Variants in ADAMTSL1 observed in about 807,000 individuals in gnomAD.
The protein encoded by ADAMTSL1 is ADAMTS-like protein 1.
Under a neutral mutation model 201.8 loss-of-function variants are expected in ADAMTSL1, and 126 were observed. That is an observed-to-expected ratio of 0.62 (90% CI 0.54 to 0.72). ADAMTSL1 has a LOEUF of 0.72. Among genes scored for constraint, ADAMTSL1 ranks in the 30% least tolerant of loss-of-function variants. The pLI is 0.00. For missense variants in ADAMTSL1, 2,679 were observed against 2,277.8 expected, an observed-to-expected ratio of 1.18 and a Z score of -3.59; for synonymous variants, 1,121 against 903.4, an observed-to-expected ratio of 1.24 and a Z score of -4.32.
Position 18,346,300 on chromosome 9 carries a change from G to A in ADAMTSL1, c.208-158529G>A, listed in dbSNP as rs74811513. Among the ~76,000 whole-genome samples the A allele has an allele frequency of 6.6e-3, 967 of 146,324 alleles. 16 individuals are homozygous for A. Among genetic ancestry groups the A allele is most frequent in the Middle Eastern group, 6.8e-3 (2 of 292 alleles). ...AGCCAGCCTCTTGGGCATCCAGCTA[G>A]TTCAGCGTCACTATTATCAGTCTTA... On this transcript the variant is annotated intron_variant, in intron 2 of 29. Transcript: ENST00000680146.
intron 2 of ADAMTSL1, among the ~76,000 whole-genome samples, chr9:18,220,849 A>G (rs996179234): frequency 1.3e-5 from 2 of 151,654 alleles, no homozygotes; most frequent in Admixed American, 1.3e-4. Flanking sequence ...ATCTAGGCTC[A>G]CTGCAACCTC....
intron 2 of ADAMTSL1, among the ~76,000 whole-genome samples, chr9:18,208,146 A>C (rs1353590324): frequency 6.6e-6 from 1 of 152,158 alleles, no homozygotes; most frequent in Non-Finnish European, 1.5e-5. Context: ...AGTATCTTAC[A>C]TCTAGTAGGT....
intron 26 of ADAMTSL1, among the ~76,000 whole-genome samples, chr9:18,899,545 CTA>C: frequency 6.6e-6 from 1 of 152,290 alleles, no homozygotes; most frequent in East Asian, 1.9e-4. Flanking sequence ...TGACTGCAAA[CTA>C]TACTACAGTA....
intron 1 of ADAMTSL1, among the ~76,000 whole-genome samples, chr9:18,125,685 T>A (rs961666413): frequency 6.6e-6 from 1 of 152,212 alleles, no homozygotes; most frequent in African/African-American, 2.4e-5. Flanking sequence ...AAACTATTCT[T>A]TCCCCACATT....
intron 17 of ADAMTSL1, among the ~76,000 whole-genome samples, chr9:18,771,110 C>A (rs1212491165): frequency 6.6e-6 from 1 of 152,124 alleles, no homozygotes; most frequent in Non-Finnish European, 1.5e-5. Flanking sequence ...CTCCACACCA[C>A]CCCCTCCTCC....
Position 18,770,594 on chromosome 9 carries a change from T to C in ADAMTSL1, c.2218-8T>C. The C allele has an allele frequency of 6.2e-7, 1 of 1,604,408 alleles. No homozygotes were observed. The highest frequency in any genetic ancestry group is 1.3e-5 in the African/African-American group (1 of 74,784). ...TACTTTTTCTTCTTTCCTTCTTTCT[T>C]TCCCCAGTGTTCCAGAACGTGTGGC... On this transcript the variant is annotated splice_region_variant and splice_polypyrimidine_tract_variant and intron_variant, in intron 16 of 28. Transcript: ENST00000380548.
intron 2 of ADAMTSL1, among the ~76,000 whole-genome samples, chr9:18,250,969 G>A (rs150731526): frequency 6.6e-6 from 1 of 152,180 alleles, no homozygotes; most frequent in African/African-American, 2.4e-5. Flanking sequence ...ATCCTGATGG[G>A]GAGCCCATGT....
chr9:18,879,796 G>A (rs1011685091), intron 23 of ADAMTSL1, among the ~76,000 whole-genome samples: 2 of 152,150 alleles, frequency 1.3e-5, no homozygotes, highest in African/African-American at 4.8e-5. Context: ...TTGCTGCATC[G>A]ATTGATTCAT....
chr9:18,315,080 A>T (rs1834324655), intron 2 of ADAMTSL1, among the ~76,000 whole-genome samples: 1 of 151,664 alleles, frequency 6.6e-6, no homozygotes, highest in Admixed American at 6.6e-5. Flanking sequence ...TTATTCCCTT[A>T]TCTGACCCTA....
intron 1 of ADAMTSL1, among the ~76,000 whole-genome samples, chr9:18,138,681 G>C (rs1324110432): frequency 6.6e-5 from 10 of 152,126 alleles, no homozygotes; most frequent in African/African-American, 2.2e-4. Flanking sequence ...CAGTAAGCGA[G>C]TTCTAGGAGT....
chr9:18,710,690 T>TTTC (rs58475847), intron 14 of ADAMTSL1, among the ~76,000 whole-genome samples: 2 of 144,210 alleles, frequency 1.4e-5, no homozygotes, highest in African/African-American at 5.1e-5. Flanking sequence ...TTTTTTTTTT[T>TTTC]ACAAAATTGA....
At chr9:18,560,351 G>C (rs1000720104) in intron 3 of ADAMTSL1, among the ~76,000 whole-genome samples, 1 of 152,104 alleles carries the variant, frequency 6.6e-6, no homozygotes, top group South Asian at 2.1e-4. Flanking sequence ...CATCCCAGGG[G>C]TGAAGCCAAC....
At chr9:18,400,294 CTCTT>C (rs1817937279) in intron 2 of ADAMTSL1, among the ~76,000 whole-genome samples, 1 of 152,150 alleles carries the variant, frequency 6.6e-6, no homozygotes, top group South Asian at 2.1e-4. Flanking sequence ...TTGGTGATAT[CTCTT>C]TCTTGGCAAG....
intron 2 of ADAMTSL1, among the ~76,000 whole-genome samples, chr9:18,407,805 G>A (rs2133296813): frequency 6.6e-6 from 1 of 152,296 alleles, no homozygotes; most frequent in South Asian, 2.1e-4. Context: ...GAAAGAGAAA[G>A]CTGAGATATT....
chr9:18,733,635 A>ACCCACCCACCCC, intron 15 of ADAMTSL1, among the ~76,000 whole-genome samples: 1 of 73,622 alleles, frequency 1.4e-5, no homozygotes, highest in Non-Finnish European at 3.0e-5. Context: ...CACTCCCCCC[A>ACCCACCCACCCC]CACACACACT....
intron 26 of ADAMTSL1, among the ~76,000 whole-genome samples, chr9:18,904,164 T>C (rs1285408375): frequency 6.6e-6 from 1 of 152,078 alleles, no homozygotes; most frequent in African/African-American, 2.4e-5. Flanking sequence ...CACACTGTAC[T>C]GCACAATAAA....
In ADAMTSL1 at chr9:18,621,193, C is replaced by A. The variant is rs183515042; in HGVS notation, c.475-1050C>A. Among the ~76,000 whole-genome samples the A allele has an allele frequency of 2.6e-5, 4 of 152,232 alleles. No homozygotes were observed. The East Asian group carries it at 5.8e-4, about 22-fold the overall frequency. On this transcript the variant is annotated intron_variant, in intron 4 of 28. Transcript: ENST00000380548. ...CTTTCCATATTTGATCTAACTAGAA[C>A]TGTAAGCCATACAACCTGGCATAGT... is the stretch of plus-strand genomic sequence containing the variant.
At chr9:18,412,533 A>G (rs994519921) in intron 2 of ADAMTSL1, among the ~76,000 whole-genome samples, 1 of 152,216 alleles carries the variant, frequency 6.6e-6, no homozygotes, top group Non-Finnish European at 1.5e-5. Flanking sequence ...GATAGGATAA[A>G]TGCTTCATTC....
intron 1 of ADAMTSL1, among the ~76,000 whole-genome samples, chr9:18,028,688 G>C (rs545627149): frequency 6.6e-6 from 1 of 152,292 alleles, no homozygotes; most frequent in South Asian, 2.1e-4. Context: ...TTGAAGTCAG[G>C]TAGTGTGATG....
Sources: gnomAD v4.1 joint callset for allele counts (sites outside exome capture counted in the v4.1 genomes callset) on GRCh38, gnomAD v4.1.1 for gene constraint, MANE v1.5 for transcripts, NCBI Gene and HGNC (gene_info 2026-07-23, HGNC 2026-07-21) for gene names.